The following ATAD2B variants were observed in gnomAD, a reference collection of about 807,000 sequenced individuals.
The protein encoded by ATAD2B is ATPase family AAA domain-containing protein 2B.
ATAD2B carries 40 observed loss-of-function variants against 167.6 expected under a neutral mutation model. That is an observed-to-expected ratio of 0.24 (90% CI 0.19 to 0.31). ATAD2B has a LOEUF of 0.31. Ranked by LOEUF, ATAD2B falls within the 10% of genes least tolerant of loss-of-function variation. The pLI is 1.00. For missense variants in ATAD2B, 1,242 were observed against 1,757.2 expected (o/e 0.71, Z 5.24); for synonymous variants, 579 against 596.5 (o/e 0.97, Z 0.43).
At chr2:23,893,059 TG>T (rs1297194099) in intron 2 of ATAD2B, among the ~76,000 whole-genome samples, 1 of 152,236 alleles carries the variant, frequency 6.6e-6, no homozygotes, top group African/African-American at 2.4e-5. Context: ...ATTAAAATTC[TG>T]TTGATACACT....
chr2:23,759,377 AT>A lies in ATAD2B; in HGVS notation c.3395-1277del, dbSNP rs577159877. Among the ~76,000 whole-genome samples the A allele has an allele frequency of 2.2e-4, 33 of 152,274 alleles. No homozygotes were observed. In the East Asian group the frequency reaches 6.4e-3, roughly 29 times the overall value. On this transcript the variant is annotated intron_variant, in intron 24 of 27. Coordinates refer to ENST00000238789, the MANE Select transcript of ATAD2B (RefSeq NM_017552.4). ...TAATCTGTAGTTTAAAAATTGCTTT[AT>A]AGAGACAGAAAGGAATATGGTCTTT...
At chr2:23,915,399 A>C (rs899270386) in intron 1 of ATAD2B, among the ~76,000 whole-genome samples, 1 of 151,320 alleles carries the variant, frequency 6.6e-6, no homozygotes, top group African/African-American at 2.4e-5. Context: ...CACCCTACCT[A>C]TTAACCACTG....
intron 1 of ATAD2B, among the ~76,000 whole-genome samples, chr2:23,901,971 GCA>G (rs1700897803): frequency 6.6e-6 from 1 of 151,780 alleles, no homozygotes; most frequent in Admixed American, 6.6e-5. Flanking sequence ...AGTGAGTTTT[GCA>G]CATTTATTTA....
At chr2:23,771,959 A>G (rs1422713824) in intron 22 of ATAD2B, among the ~76,000 whole-genome samples, 1 of 152,180 alleles carries the variant, frequency 6.6e-6, no homozygotes, top group East Asian at 1.9e-4. Flanking sequence ...TCCCCAGTTC[A>G]GAGGACCTCC....
intron 10 of ATAD2B, among the ~76,000 whole-genome samples, chr2:23,867,017 G>A (rs1314476807): frequency 2.0e-5 from 3 of 152,070 alleles, no homozygotes; most frequent in Non-Finnish European, 2.9e-5. Context: ...TTTCCAAAGT[G>A]ACCTCACCGC....
chr2:23,775,462 T>G (rs181823078), intron 22 of ATAD2B, among the ~76,000 whole-genome samples: 4,401 of 152,270 alleles, frequency 0.029, 87 homozygotes, highest in South Asian at 0.074. Context: ...TCCGCCCGCC[T>G]TGGCCTCTCA....
Position 23,786,176 on chromosome 2 carries a change from G to A in ATAD2B, c.2824C>T (p.Arg942Cys), listed in dbSNP as rs746457919. 3.8e-6 allele frequency: 6 copies of A among 1,595,066 alleles called. No homozygotes were observed. The highest frequency in any genetic ancestry group is 1.8e-5 in the Admixed American group (1 of 57,066). The change falls in exon 21 of 28, where the codon CGT becomes TGT. Residue 942 changes from arginine to cysteine, a missense_variant. This residue lies in a region of ATAD2B where 204 missense variants were observed against 324.0 expected (regional missense o/e 0.63). Transcript: ENST00000238789. ...VLPLALPSPP[R>C]QLSESEKSRM... ...CTTTTTTCTGATTCTGATAATTGAC[G>A]AGGTGGAGAAGGTAGTGCAAGAGGA... is the stretch of plus-strand genomic sequence containing the variant.
intron 1 of ATAD2B, among the ~76,000 whole-genome samples, chr2:23,902,244 G>A (rs1232562530): frequency 1.3e-5 from 2 of 152,044 alleles, no homozygotes; most frequent in African/African-American, 4.8e-5. Flanking sequence ...ACAATGTACT[G>A]GTATATTTAC....
At chr2:23,706,422 A>G in the ATAD2B span, 4 of 1,333,698 alleles carry the variant, frequency 3.0e-6, no homozygotes, top group South Asian at 5.2e-5. Flanking sequence ...TTGAGAACCT[A>G]TCTCCAGGGC....
At chr2:23,709,576 A>G in the ATAD2B span, among the ~76,000 whole-genome samples, 1 of 151,880 alleles carries the variant, frequency 6.6e-6, no homozygotes, top group African/African-American at 2.4e-5. Context: ...CAGCTTTGTC[A>G]TCCATGTGAA....
chr2:23,803,338 A>ACACACACACACG (rs756577548), intron 18 of ATAD2B, among the ~76,000 whole-genome samples: 3 of 150,690 alleles, frequency 2.0e-5, no homozygotes, highest in South Asian at 2.1e-4. Context: ...ACACACACAC[A>ACACACACACACG]CGCGCACGCA....
At chr2:23,907,256 C>G (rs1701636290) in intron 1 of ATAD2B, among the ~76,000 whole-genome samples, 1 of 152,084 alleles carries the variant, frequency 6.6e-6, no homozygotes, top group East Asian at 1.9e-4. Flanking sequence ...AGCTGATAAG[C>G]AACTTCAGCA....
intron 25 of ATAD2B, 167 bp from the exon 26 acceptor site, chr2:23,754,941 T>C (rs758654207): frequency 1.3e-5 from 8 of 623,366 alleles, no homozygotes; most frequent in Non-Finnish European, 2.0e-5. Context: ...GATTTTTTAT[T>C]GGTAAGACTA....
intron 1 of ATAD2B, among the ~76,000 whole-genome samples, chr2:23,918,462 T>C (rs189190938): frequency 6.6e-6 from 1 of 152,112 alleles, no homozygotes; most frequent in African/African-American, 2.4e-5. Flanking sequence ...AATATACACA[T>C]ATATAATATT....
chr2:23,836,443 A>G lies in ATAD2B; in HGVS notation c.1569-2365T>C, dbSNP rs1315115265. 2.0e-5 allele frequency among the ~76,000 whole-genome samples: 3 copies of G among 151,912 alleles called. No homozygotes were observed. The East Asian group carries it at 5.8e-4, about 29-fold the overall frequency. ...GGGCTGCAGCTCTTCTCTCCTCTTC[A>G]CCCACAAAATGGCAAGCAAGGGGCA... On this transcript the variant is annotated intron_variant, in intron 13 of 27. Transcript: ENST00000238789.
At chr2:23,770,355 A>C (rs1424444366) in intron 22 of ATAD2B, among the ~76,000 whole-genome samples, 1 of 151,822 alleles carries the variant, frequency 6.6e-6, no homozygotes, top group African/African-American at 2.4e-5. Context: ...TAAAAAGATT[A>C]ATGAGGATGA....
At chr2:23,693,254 C>T in the ATAD2B span, 78 of 1,537,382 alleles carry the variant, frequency 5.1e-5, no homozygotes, top group East Asian at 9.9e-5. Flanking sequence ...AGTGGTCCTG[C>T]GCTGTCGCCC....
chr2:23,870,571 C>T (rs1695806553), intron 8 of ATAD2B, among the ~76,000 whole-genome samples: 1 of 151,460 alleles, frequency 6.6e-6, no homozygotes, highest in Non-Finnish European at 1.5e-5. Flanking sequence ...CAGATATAAG[C>T]CACCGCACAG....
At chr2:23,821,068 G>A (rs945135171) in intron 16 of ATAD2B, among the ~76,000 whole-genome samples, 10 of 152,082 alleles carry the variant, frequency 6.6e-5, no homozygotes, top group Non-Finnish European at 1.0e-4. Context: ...AAATATTAAA[G>A]GTCAAAACAA....
Sources: gnomAD v4.1 joint callset for allele counts (sites outside exome capture counted in the v4.1 genomes callset) on GRCh38, gnomAD v4.1.1 for gene constraint, gnomAD v4.1.1 regional missense constraint, MANE v1.5 for transcripts, NCBI Gene and HGNC (gene_info 2026-07-23, HGNC 2026-07-21) for gene names.